ADAMTS19: variants seen among roughly 807,000 people sequenced by gnomAD.
ADAMTS19 encodes A disintegrin and metalloproteinase with thrombospondin motifs 19.
Under a neutral mutation model 153.3 loss-of-function variants are expected in ADAMTS19, and 93 were observed. The observed-to-expected ratio is 0.61, with a 90% CI of 0.51 to 0.72. The LOEUF (loss-of-function observed/expected upper bound fraction) is 0.72. ADAMTS19 is among the 30% of genes least tolerant of loss of function. ADAMTS19 has a pLI of 0.00. For synonymous variants in ADAMTS19, 600 were observed against 556.6 expected, an observed-to-expected ratio of 1.08 and a Z score of -1.10; for missense variants, 1,482 against 1,552.1, an observed-to-expected ratio of 0.95 and a Z score of 0.76.
At chr5:129,693,246 A>T (rs1398663173) in intron 18 of ADAMTS19, among the ~76,000 whole-genome samples, 1 of 152,122 alleles carries the variant, frequency 6.6e-6, no homozygotes, top group Non-Finnish European at 1.5e-5. Flanking sequence ...ATTCAAACTA[A>T]AGTAAAATGT....
chr5:129,610,860 G>A (rs989751710), intron 8 of ADAMTS19, among the ~76,000 whole-genome samples: 4 of 152,110 alleles, frequency 2.6e-5, no homozygotes, highest in East Asian at 1.9e-4. Context: ...CTGAGGAATC[G>A]CCACACTGTC....
intron 21 of ADAMTS19, among the ~76,000 whole-genome samples, chr5:129,718,958 G>C (rs1369021239): frequency 6.6e-6 from 1 of 152,144 alleles, no homozygotes; most frequent in African/African-American, 2.4e-5. Context: ...TTGGCCTGGA[G>C]AATACACATT....
intron 2 of ADAMTS19, among the ~76,000 whole-genome samples, chr5:129,484,109 C>T (rs1412569463): frequency 6.6e-6 from 1 of 152,112 alleles, no homozygotes; most frequent in Non-Finnish European, 1.5e-5. Context: ...CCACAATTTA[C>T]ATTTTTTCTT....
intron 7 of ADAMTS19, among the ~76,000 whole-genome samples, chr5:129,583,136 C>T (rs538255243): frequency 5.9e-5 from 9 of 152,132 alleles, no homozygotes; most frequent in Non-Finnish European, 1.3e-4. Flanking sequence ...ATTTGCTTGT[C>T]TGTAAAGGAT....
chr5:129,539,963 T>C (rs1752601111), intron 6 of ADAMTS19, among the ~76,000 whole-genome samples: 1 of 152,004 alleles, frequency 6.6e-6, no homozygotes, highest in Non-Finnish European at 1.5e-5. Flanking sequence ...TACCATTTGG[T>C]TAATAAAGAT....
chr5:129,714,425 C>CAAAAAAAA (rs397949658), intron 21 of ADAMTS19, among the ~76,000 whole-genome samples: 73 of 98,184 alleles, frequency 7.4e-4, no homozygotes, highest in African/African-American at 2.9e-3. Context: ...GACTCCGTCT[C>CAAAAAAAA]AAAAAAAAAA....
chr5:129,562,956 G>T, intron 7 of ADAMTS19, among the ~76,000 whole-genome samples: 1 of 152,014 alleles, frequency 6.6e-6, no homozygotes, highest in East Asian at 1.9e-4. Flanking sequence ...CTGATTTTAT[G>T]TACTTGACAT....
At chr5:129,722,119 T>TAATGGGATTGCTGGATCA (rs1757030568) in intron 21 of ADAMTS19, among the ~76,000 whole-genome samples, 1 of 152,216 alleles carries the variant, frequency 6.6e-6, no homozygotes, top group Non-Finnish European at 1.5e-5. Flanking sequence ...ATATACCCAG[T>TAATGGGATTGCTGGATCA]AATGGGATTG....
intron 21 of ADAMTS19, among the ~76,000 whole-genome samples, chr5:129,708,784 T>G (rs904971322): frequency 6.6e-6 from 1 of 152,116 alleles, no homozygotes; most frequent in African/African-American, 2.4e-5. Context: ...ATTCTTATAT[T>G]TATATTCTAC....
chr5:129,606,191 T>C (rs572732521), intron 8 of ADAMTS19, among the ~76,000 whole-genome samples: 1 of 152,258 alleles, frequency 6.6e-6, no homozygotes, highest in South Asian at 2.1e-4. Flanking sequence ...AATACAGACG[T>C]CTTGTGACTA....
At chr5:129,567,045 C>G (rs1320022476) in intron 7 of ADAMTS19, among the ~76,000 whole-genome samples, 3 of 152,004 alleles carry the variant, frequency 2.0e-5, no homozygotes, top group Non-Finnish European at 4.4e-5. Context: ...GGAAAGTGAC[C>G]TCAAAGCTGT....
chr5:129,475,073 T>G (rs1750182222), intron 2 of ADAMTS19, among the ~76,000 whole-genome samples: 3 of 151,888 alleles, frequency 2.0e-5, no homozygotes, highest in African/African-American at 7.3e-5. Flanking sequence ...TTAAGGCCAA[T>G]TTTTGAGACT....
At chr5:129,504,872 G>GACACAGAC (rs1751220542) in intron 2 of ADAMTS19, among the ~76,000 whole-genome samples, 1 of 148,110 alleles carries the variant, frequency 6.8e-6, no homozygotes, top group African/African-American at 2.5e-5. Flanking sequence ...CACACACACA[G>GACACAGAC]ACACACACAC....
chr5:129,625,298 T>G (rs1294518622), intron 10 of ADAMTS19, among the ~76,000 whole-genome samples: 1 of 152,198 alleles, frequency 6.6e-6, no homozygotes, highest in South Asian at 2.1e-4. Context: ...AATAAACATA[T>G]GTGTGCATGT....
At chr5:129,690,512 C>T (rs1382467216) in intron 18 of ADAMTS19, among the ~76,000 whole-genome samples, 2 of 151,902 alleles carry the variant, frequency 1.3e-5, no homozygotes, top group East Asian at 3.9e-4. Flanking sequence ...GTGTTGTGAA[C>T]AAAGCAAAGT....
intron 7 of ADAMTS19, among the ~76,000 whole-genome samples, chr5:129,558,726 T>G (rs573645019): frequency 5.3e-5 from 8 of 152,152 alleles, no homozygotes; most frequent in Admixed American, 2.6e-4. Flanking sequence ...GAAGGAAACC[T>G]GCGCTATCAG....
chr5:129,661,519 G>GT (rs1753812334), intron 15 of ADAMTS19, among the ~76,000 whole-genome samples: 3 of 152,102 alleles, frequency 2.0e-5, no homozygotes, highest in African/African-American at 7.2e-5. Context: ...GGCCACGCAC[G>GT]TTGTATATAT....
chr5:129,620,471 AATTTT>A (rs1296930554), intron 8 of ADAMTS19, 142 bp from the exon 9 acceptor site: 3 of 481,576 alleles, frequency 6.2e-6, no homozygotes, highest in African/African-American at 6.0e-5. Flanking sequence ...TCTGAAATCT[AATTTT>A]ATTTTGAAAC....
chr5:129,643,982 T>C (rs540291412), intron 11 of ADAMTS19, among the ~76,000 whole-genome samples: 67 of 150,570 alleles, frequency 4.4e-4, no homozygotes, highest in African/African-American at 1.7e-3. Flanking sequence ...CTTGTTTGTC[T>C]TTAGTTTTTT....
Sources: allele counts gnomAD v4.1 joint callset (sites outside exome capture counted in the v4.1 genomes callset), GRCh38; gene constraint gnomAD v4.1.1; transcripts MANE v1.5; gene names NCBI Gene and HGNC (gene_info 2026-07-23, HGNC 2026-07-21).